The following EPN2 variants were observed in gnomAD, a reference collection of about 807,000 sequenced individuals.
EPN2 encodes epsin 2, also known as epsin-2.
In EPN2, 34 loss-of-function variants were observed where a neutral mutation model predicts 61.7. That is an observed-to-expected ratio of 0.55 (90% CI 0.42 to 0.73). The LOEUF is 0.73. Ranked by LOEUF, EPN2 falls within the 30% of genes least tolerant of loss-of-function variation. EPN2 has a pLI of 0.00. For synonymous variants in EPN2, 349 were observed against 353.6 expected, an observed-to-expected ratio of 0.99 and a Z score of 0.15; for missense variants, 714 against 839.2, an observed-to-expected ratio of 0.85 and a Z score of 1.84.
intron 7 of EPN2, among the ~76,000 whole-genome samples, chr17:19,320,744 G>A (rs1199469674): frequency 2.6e-5 from 4 of 152,176 alleles, no homozygotes; most frequent in Non-Finnish European, 5.9e-5. Context: ...AATCAGGATG[G>A]AGATTATGGG....
At chr17:19,263,853 C>A (rs538835140) in intron 1 of EPN2, among the ~76,000 whole-genome samples, 1 of 151,984 alleles carries the variant, frequency 6.6e-6, no homozygotes, top group South Asian at 2.1e-4. Flanking sequence ...GAAGAACATC[C>A]CTGTTTTCTT....
intron 4 of EPN2, among the ~76,000 whole-genome samples, chr17:19,304,211 G>A (rs1270928577): frequency 6.6e-6 from 1 of 152,236 alleles, no homozygotes; most frequent in Non-Finnish European, 1.5e-5. Flanking sequence ...AGGAGGTAAA[G>A]TAAGGGCCTT....
chr17:19,256,419 C>CAAAAA (rs61210278), intron 1 of EPN2, among the ~76,000 whole-genome samples: 1 of 67,962 alleles, frequency 1.5e-5, no homozygotes, highest in African/African-American at 4.9e-5. Context: ...GACCCTGTCT[C>CAAAAA]AAAAAAAAAA....
In EPN2 at chr17:19,283,734, C is replaced by T. The variant is rs758876400; in HGVS notation, c.595+20C>T. ...ATGGCTGTGAGTAATGGAAGTGCTT[C>T]TCACCCTTTGCCAGAGCAGCAGCAA... is the stretch of plus-strand genomic sequence containing the variant. On this transcript the variant is annotated intron_variant, in intron 3 of 10. Coordinates refer to ENST00000314728, the MANE Select transcript of EPN2 (RefSeq NM_014964.5). This position sits in a 1 kb window ranked among gnomAD's most constrained non-coding sequence, Gnocchi z 7.0. The T allele has an allele frequency of 4.0e-5, 62 of 1,535,370 alleles. No homozygotes were observed. Among genetic ancestry groups the T allele is most frequent in the Non-Finnish European group, 5.3e-5 (60 of 1,139,958 alleles).
In EPN2 at chr17:19,331,964, C is replaced by T. The variant is rs769642437; in HGVS notation, c.1523C>T (p.Thr508Ile). 404 of 1,614,070 alleles carry T rather than the reference C, an allele frequency of 2.5e-4. 1 individual carries two copies. Among genetic ancestry groups the T allele is most frequent in the Non-Finnish European group, 3.3e-4 (392 of 1,180,040 alleles). The part of the protein sequence containing the change: ...ASSKPSSARK[T>I]PESFLGPNAA... ...AGCAAGCCCAGCAGTGCCCGGAAAA[C>T]ACCTGAGTCCTTCCTGGGCCCCAAC... Residue 508 changes from threonine (T) to isoleucine (I), a missense_variant, in exon 10 of 11, where the codon ACA becomes ATA. By Grantham distance (89) the Thr-to-Ile change is moderately conservative. Coordinates refer to ENST00000314728, the MANE Select transcript of EPN2 (RefSeq NM_014964.5).
Position 19,285,751 on chromosome 17 carries a change from T to C in EPN2, c.727T>C (p.Trp243Arg). Residue 243 changes from tryptophan (W) to arginine (R), a missense_variant, in exon 4 of 11, where the codon TGG (tryptophan) becomes CGG (arginine). By Grantham distance (101) the Trp-to-Arg change is moderately radical. This residue lies in a region of EPN2 where 304 missense variants were observed against 417.4 expected (regional missense o/e 0.73). Transcript: ENST00000314728. This position sits in a 1 kb window ranked among gnomAD's most constrained non-coding sequence, Gnocchi z 4.5. ...LGLASRPNGD[W>R]SQPCLTCDRA... ...GCTGGCCTCCCGCCCAAATGGCGAC[T>C]GGTCCCAGCCCTGCCTCACTTGTGA... 1 of 1,609,088 alleles carries C rather than the reference T, an allele frequency of 6.2e-7. No homozygotes were observed. Among genetic ancestry groups the C allele is most frequent in the Non-Finnish European group, 8.5e-7 (1 of 1,178,684 alleles).
chr17:19,246,600 GT>G (rs1488731283), intron 1 of EPN2, among the ~76,000 whole-genome samples: 1 of 151,934 alleles, frequency 6.6e-6, no homozygotes, highest in Non-Finnish European at 1.5e-5. Flanking sequence ...ACTTGAGTTT[GT>G]TTTGTGAACT....
chr17:19,283,177 G>T lies in EPN2; in HGVS notation c.58G>T (p.Ala20Ser), dbSNP rs774610664. 1.1e-5 allele frequency: 18 copies of T among 1,613,880 alleles called. No homozygotes were observed. In the South Asian group the frequency reaches 2.0e-4, roughly 18 times the overall value. ...AAACATCGTGAACAATTACTCAGAG[G>T]CAGAAATCAAAGTCCGGGAAGCCAC... The part of the protein sequence containing the change: ...MKNIVNNYSE[A>S]EIKVREATSN... The change falls in exon 3 of 11, where the codon GCA becomes TCA. Residue 20 changes from alanine to serine, a missense_variant. By Grantham distance (99) the Ala-to-Ser change is moderately conservative. This residue lies in a region of EPN2 where 304 missense variants were observed against 417.4 expected (regional missense o/e 0.73). Transcript: ENST00000314728. This position sits in a 1 kb window ranked among gnomAD's most constrained non-coding sequence, Gnocchi z 7.0.
chr17:19,325,000 A>G (rs1387761859), intron 7 of EPN2, among the ~76,000 whole-genome samples: 2 of 152,214 alleles, frequency 1.3e-5, no homozygotes, highest in Non-Finnish European at 2.9e-5. Flanking sequence ...TACAAATCCA[A>G]AAACTTAGAT....
chr17:19,326,352 A>C (rs1162421999), intron 7 of EPN2, among the ~76,000 whole-genome samples: 1 of 152,224 alleles, frequency 6.6e-6, no homozygotes, highest in Non-Finnish European at 1.5e-5. Context: ...GCTGTATCAG[A>C]TATCAAGAAT....
chr17:19,254,943 G>C (rs2045058148), intron 1 of EPN2, among the ~76,000 whole-genome samples: 1 of 152,208 alleles, frequency 6.6e-6, no homozygotes, highest in South Asian at 2.1e-4. Flanking sequence ...GGTTGTCAGT[G>C]TGGAAAGTGA....
intron 4 of EPN2, among the ~76,000 whole-genome samples, chr17:19,299,217 T>G (rs745745911): frequency 6.6e-6 from 1 of 152,202 alleles, no homozygotes; most frequent in Non-Finnish European, 1.5e-5. Context: ...TAAAAATGAG[T>G]TTCCTGTTTA....
intron 1 of EPN2, among the ~76,000 whole-genome samples, chr17:19,243,463 G>T (rs559242953): frequency 9.0e-5 from 12 of 133,362 alleles, no homozygotes; most frequent in Non-Finnish European, 1.8e-4. Context: ...CGCGATCTCA[G>T]CTCACTGCAA....
In EPN2 at chr17:19,310,723, G is replaced by A. The variant is rs189832080; in HGVS notation, c.879+726G>A. Among the ~76,000 whole-genome samples, 49 of 151,672 alleles carry A rather than the reference G, an allele frequency of 3.2e-4. No individual in the cohort carries two copies. In the East Asian group the frequency reaches 8.0e-3, roughly 25 times the overall value. ...GTCCCGAGTAGCTGGGATTTCAGGC[G>A]CGTGCCACCATGCCCGGCTAATTTT... On this transcript the variant is annotated intron_variant, in intron 5 of 10. Transcript: ENST00000314728.
chr17:19,292,167 G>C (rs1308749800), intron 4 of EPN2, among the ~76,000 whole-genome samples: 1 of 152,254 alleles, frequency 6.6e-6, no homozygotes, highest in African/African-American at 2.4e-5. Flanking sequence ...TGGGCCAGCT[G>C]AGGTCTCCTG....
intron 4 of EPN2, among the ~76,000 whole-genome samples, chr17:19,288,147 G>T (rs923613568): frequency 6.6e-6 from 1 of 152,216 alleles, no homozygotes; most frequent in Non-Finnish European, 1.5e-5. Context: ...TGTGTCCCCT[G>T]CCCTCAGTCT....
chr17:19,266,808 T>G (rs1487056061), intron 1 of EPN2, among the ~76,000 whole-genome samples: 2 of 151,974 alleles, frequency 1.3e-5, no homozygotes, highest in African/African-American at 4.8e-5. Context: ...GTAAACAAAA[T>G]GTGGTCCATC....
chr17:19,275,014 T>C (rs1300446175), intron 1 of EPN2, among the ~76,000 whole-genome samples: 2 of 152,208 alleles, frequency 1.3e-5, no homozygotes, highest in African/African-American at 4.8e-5. Flanking sequence ...AGCTGTTATT[T>C]TGTGGTTCCC....
At chr17:19,325,350 A>G (rs954675817) in intron 7 of EPN2, among the ~76,000 whole-genome samples, 1 of 152,232 alleles carries the variant, frequency 6.6e-6, no homozygotes, top group Non-Finnish European at 1.5e-5. Context: ...AATCCTAAGG[A>G]AAGAAACAAT....
Sources: allele counts gnomAD v4.1 joint callset (sites outside exome capture counted in the v4.1 genomes callset), GRCh38; gene constraint gnomAD v4.1.1; regional missense constraint gnomAD v4.1.1; non-coding constraint Gnocchi (gnomAD v3.1); transcripts MANE v1.5; gene names NCBI Gene and HGNC (gene_info 2026-07-23, HGNC 2026-07-21).